Variants in GALNTL6 observed in about 807,000 individuals in gnomAD.
The protein encoded by GALNTL6 is polypeptide N-acetylgalactosaminyltransferase-like 6.
GALNTL6 carries 46 observed loss-of-function variants against 73.7 expected under a neutral mutation model. That is an observed-to-expected ratio of 0.62 (90% CI 0.49 to 0.80). The LOEUF is 0.80. GALNTL6 is among the 30% of genes least tolerant of loss of function. GALNTL6 has a pLI of 0.00. For synonymous variants in GALNTL6, 259 were observed against 263.7 expected, an observed-to-expected ratio of 0.98 and a Z score of 0.17; for missense variants, 604 against 755.0, an observed-to-expected ratio of 0.80 and a Z score of 2.34.
intron 2 of GALNTL6, among the ~76,000 whole-genome samples, chr4:172,191,282 A>G (rs1735575402): frequency 6.6e-6 from 1 of 152,112 alleles, no homozygotes; most frequent in South Asian, 2.1e-4. Context: ...TTCTCTCTCA[A>G]AGTCCGTTGC....
Position 173,015,817 on chromosome 4 carries a change from A to T in GALNTL6, c.1489-5659A>T, listed in dbSNP as rs147909909. ...AATGAGCAGCCAAATGTTAATCACC[A>T]AGACAATAGGGAATATGTCTCCAGA... On this transcript the variant is annotated intron_variant, in intron 11 of 12. Coordinates refer to ENST00000506823, the MANE Select transcript of GALNTL6 (RefSeq NM_001034845.3). 7.7e-4 allele frequency among the ~76,000 whole-genome samples: 117 copies of T among 152,350 alleles called. 1 individual carries two copies. In the East Asian group the frequency reaches 0.02, roughly 26 times the overall value.
intron 5 of GALNTL6, among the ~76,000 whole-genome samples, chr4:172,789,725 C>T (rs1197782396): frequency 6.6e-6 from 1 of 152,178 alleles, no homozygotes; most frequent in African/African-American, 2.4e-5. Flanking sequence ...ATTCCTTCCC[C>T]CAGGATATAG....
chr4:172,249,479 C>G (rs1160782587), intron 3 of GALNTL6, among the ~76,000 whole-genome samples: 1 of 152,154 alleles, frequency 6.6e-6, no homozygotes, highest in African/African-American at 2.4e-5. Context: ...TAACAAGGAG[C>G]TGAATGTTAA....
chr4:172,168,093 C>T (rs529793615), intron 2 of GALNTL6, among the ~76,000 whole-genome samples: 70 of 152,206 alleles, frequency 4.6e-4, no homozygotes, highest in Non-Finnish European at 8.4e-4. Flanking sequence ...GGTGAGAACT[C>T]TATTAGCAAC....
At chr4:172,529,436 G>A (rs1735091601) in intron 5 of GALNTL6, among the ~76,000 whole-genome samples, 1 of 151,996 alleles carries the variant, frequency 6.6e-6, no homozygotes, top group African/African-American at 2.4e-5. Flanking sequence ...TCCACTCTGT[G>A]TGATGCTTAC....
At chr4:171,862,854 T>C (rs1296859824) in intron 2 of GALNTL6, among the ~76,000 whole-genome samples, 1 of 152,120 alleles carries the variant, frequency 6.6e-6, no homozygotes, top group East Asian at 1.9e-4. Flanking sequence ...CCAAATTATC[T>C]GAGTTTTTCT....
At chr4:172,485,794 T>A (rs1733643886) in intron 5 of GALNTL6, among the ~76,000 whole-genome samples, 3 of 152,172 alleles carry the variant, frequency 2.0e-5, no homozygotes, top group Admixed American at 2.0e-4. Context: ...AACTATAATA[T>A]ACACTATTAT....
chr4:172,643,298 T>C (rs1185203115), intron 5 of GALNTL6, among the ~76,000 whole-genome samples: 2 of 151,924 alleles, frequency 1.3e-5, no homozygotes, highest in African/African-American at 4.8e-5. Context: ...CAACTATGAT[T>C]TAATTAATTA....
At chr4:172,360,240 A>G (rs1470775770) in intron 5 of GALNTL6, among the ~76,000 whole-genome samples, 2 of 152,212 alleles carry the variant, frequency 1.3e-5, no homozygotes, top group Non-Finnish European at 2.9e-5. Context: ...ATAAGTTCCA[A>G]TGGAGATACT....
chr4:172,727,122 A>T (rs904997107), intron 5 of GALNTL6, among the ~76,000 whole-genome samples: 2 of 152,354 alleles, frequency 1.3e-5, no homozygotes, highest in African/African-American at 4.8e-5. Flanking sequence ...AATAAAATTG[A>T]TAGTAAAATT....
chr4:173,028,307 AGACTGACT>A lies in GALNTL6; in HGVS notation c.1638+6685_1638+6692del, dbSNP rs1753316358. On this transcript the variant is annotated intron_variant, in intron 12 of 12. Coordinates refer to ENST00000506823, the MANE Select transcript of GALNTL6 (RefSeq NM_001034845.3). ...TAAGGCAATGTACTCGCCTGAGGAT[AGACTGACT>A]GAGGCTCTCTAGAAGGTGAAGCCTG... Among the ~76,000 whole-genome samples, 5 of 152,252 alleles carry A rather than the reference AGACTGACT, an allele frequency of 3.3e-5. No individual in the cohort carries two copies. The South Asian group carries it at 1.0e-3, about 32-fold the overall frequency.
chr4:172,316,573 TTCTG>T (rs1308853740), intron 4 of GALNTL6, among the ~76,000 whole-genome samples: 1 of 152,194 alleles, frequency 6.6e-6, no homozygotes, highest in African/African-American at 2.4e-5. Flanking sequence ...CTAAAACTAT[TTCTG>T]TCTAAGAGAA....
intron 3 of GALNTL6, among the ~76,000 whole-genome samples, chr4:172,279,016 GC>G (rs1442229252): frequency 6.6e-6 from 1 of 152,040 alleles, no homozygotes; most frequent in East Asian, 1.9e-4. Context: ...GATATCCACT[GC>G]AAAAGAATGA....
At chr4:172,452,175 T>C (rs1201305224) in intron 5 of GALNTL6, among the ~76,000 whole-genome samples, 1 of 152,136 alleles carries the variant, frequency 6.6e-6, no homozygotes, top group Non-Finnish European at 1.5e-5. Flanking sequence ...GTAATTGAAA[T>C]TCAATGCTAT....
intron 5 of GALNTL6, among the ~76,000 whole-genome samples, chr4:172,590,940 A>G (rs552753031): frequency 9.9e-5 from 15 of 152,284 alleles, no homozygotes; most frequent in Admixed American, 6.5e-4. Flanking sequence ...AATGCTTCAT[A>G]AATTTGAGGA....
chr4:171,821,640 G>GATATATATAT (rs3080305), intron 2 of GALNTL6, among the ~76,000 whole-genome samples: 2,036 of 146,022 alleles, frequency 0.014, 48 homozygotes, highest in African/African-American at 0.045. Context: ...AGGCTTAACG[G>GATATATATAT]ATATATATAT....
At chr4:171,891,049 G>A (rs1192490308) in intron 2 of GALNTL6, among the ~76,000 whole-genome samples, 1 of 151,936 alleles carries the variant, frequency 6.6e-6, no homozygotes, top group East Asian at 1.9e-4. Context: ...ACTCAGGCTT[G>A]CTTATTTCAT....
intron 5 of GALNTL6, among the ~76,000 whole-genome samples, chr4:172,412,643 C>A (rs1744489786): frequency 6.6e-6 from 1 of 152,010 alleles, no homozygotes; most frequent in Admixed American, 6.6e-5. Flanking sequence ...TAGATGGGCA[C>A]AATGTAAACA....
At chr4:172,444,245 G>A (rs567221207) in intron 5 of GALNTL6, among the ~76,000 whole-genome samples, 2 of 152,318 alleles carry the variant, frequency 1.3e-5, no homozygotes, top group East Asian at 3.9e-4. Context: ...TATGCCTTAA[G>A]TGATCTAACG....
Sources: gnomAD v4.1 joint callset for allele counts (sites outside exome capture counted in the v4.1 genomes callset) on GRCh38, gnomAD v4.1.1 for gene constraint, MANE v1.5 for transcripts, NCBI Gene and HGNC (gene_info 2026-07-23, HGNC 2026-07-21) for gene names.